The following TCERG1L variants were observed in gnomAD, a reference collection of about 807,000 sequenced individuals.
TCERG1L encodes the protein transcription elongation regulator 1 like, also known as transcription elongation regulator 1-like protein.
In TCERG1L, 37 loss-of-function variants were observed where a neutral mutation model predicts 56.3. The ratio of observed to expected loss-of-function variants is 0.66; its 90% confidence interval spans 0.51 to 0.87. The LOEUF is 0.87. Among genes scored for constraint, TCERG1L ranks in the 40% least tolerant of loss-of-function variants. The pLI is 0.00. For missense variants in TCERG1L, 799 were observed against 774.2 expected (o/e 1.03, Z -0.38); for synonymous variants, 324 against 326.3 (o/e 0.99, Z 0.08).
intron 7 of TCERG1L, among the ~76,000 whole-genome samples, chr10:131,142,681 C>G (rs970128012): frequency 6.6e-6 from 1 of 152,120 alleles, no homozygotes; most frequent in African/African-American, 2.4e-5. Flanking sequence ...TCAGACCCGC[C>G]GGGGTGCAAA....
At chr10:131,098,760 G>A (rs540685007) in intron 10 of TCERG1L, among the ~76,000 whole-genome samples, 7 of 152,184 alleles carry the variant, frequency 4.6e-5, no homozygotes, top group Non-Finnish European at 7.3e-5. Context: ...TTTGGAACCC[G>A]TGCTGTAGGC....
Position 131,256,032 on chromosome 10 carries a change from C to A in TCERG1L, c.856+4227G>T, listed in dbSNP as rs36071798. ...TCCATTAGAAATGAACACGTGTTTC[C>A]CGCACACGCCAGATGAGTTTCAGGA... On this transcript the variant is annotated intron_variant, in intron 4 of 11. Coordinates refer to ENST00000368642, the MANE Select transcript of TCERG1L (RefSeq NM_174937.4). Among the ~76,000 whole-genome samples the A allele has an allele frequency of 3.9e-3, 596 of 152,266 alleles. 2 individuals are homozygous for A. The highest frequency in any genetic ancestry group is 6.8e-3 in the Middle Eastern group (2 of 294).
chr10:131,308,142 A>T, intron 3 of TCERG1L, 69 bp downstream of exon 3: 1 of 1,376,064 alleles, frequency 7.3e-7, no homozygotes. Context: ...TATGGTTTTC[A>T]TATCTAAAAC....
At chr10:131,273,230 G>T in intron 3 of TCERG1L, among the ~76,000 whole-genome samples, 1 of 152,128 alleles carries the variant, frequency 6.6e-6, no homozygotes, top group East Asian at 1.9e-4. Flanking sequence ...GGACCCCCAT[G>T]GTTGTCAGGA....
intron 4 of TCERG1L, among the ~76,000 whole-genome samples, chr10:131,236,317 T>C (rs1013089048): frequency 1.3e-5 from 2 of 152,176 alleles, no homozygotes; most frequent in Admixed American, 6.5e-5. Flanking sequence ...TACCTTTTTT[T>C]CCCCCAAACA....
intron 4 of TCERG1L, among the ~76,000 whole-genome samples, chr10:131,183,421 A>C (rs189025142): frequency 7.9e-5 from 12 of 152,266 alleles, no homozygotes; most frequent in Non-Finnish European, 1.8e-4. Flanking sequence ...CTATTGAGCT[A>C]CCTATCAAAT....
chr10:131,268,525 C>T (rs1280246245), intron 3 of TCERG1L, among the ~76,000 whole-genome samples: 7 of 152,186 alleles, frequency 4.6e-5, no homozygotes, highest in Non-Finnish European at 8.8e-5. Context: ...TTTTGAAGCC[C>T]ATCACTGACT....
intron 4 of TCERG1L, among the ~76,000 whole-genome samples, chr10:131,218,775 C>T (rs940033469): frequency 2.6e-5 from 4 of 152,272 alleles, no homozygotes; most frequent in Middle Eastern, 3.4e-3. Flanking sequence ...GGGATGGAAC[C>T]ACGGTGCTGG....
chr10:131,267,115 A>G lies in TCERG1L; in HGVS notation c.671-6671T>C, dbSNP rs900934022. 2.0e-5 allele frequency among the ~76,000 whole-genome samples: 3 copies of G among 151,942 alleles called. No homozygotes were observed. The highest frequency in any genetic ancestry group is 6.6e-5 in the Admixed American group (1 of 15,260). On this transcript the variant is annotated intron_variant, in intron 3 of 11. Transcript: ENST00000368642. The surrounding 1 kb of genome is among the most constrained non-coding windows in gnomAD (Gnocchi z 4.9). ...CGTCTGCCTCCTGCCACCACTCATCATGCCCAGGCCGCTTGCACCCAGGGG... is the reference window on the plus strand; with the variant it reads ...CGTCTGCCTCCTGCCACCACTCATCGTGCCCAGGCCGCTTGCACCCAGGGG...
intron 4 of TCERG1L, among the ~76,000 whole-genome samples, chr10:131,182,172 G>T (rs11017804): frequency 0.087 from 13,220 of 152,284 alleles, 669 homozygotes; most frequent in Middle Eastern, 0.22. Flanking sequence ...TATCAAATAT[G>T]CAGGTCCCTT....
At chr10:131,153,509 C>T (rs1463065247) in intron 6 of TCERG1L, among the ~76,000 whole-genome samples, 5 of 152,184 alleles carry the variant, frequency 3.3e-5, no homozygotes, top group African/African-American at 1.2e-4. Context: ...ATCATTTTCT[C>T]ATTGACTTTC....
intron 3 of TCERG1L, among the ~76,000 whole-genome samples, chr10:131,276,685 CTCA>C (rs1336873550): frequency 2.0e-5 from 3 of 151,950 alleles, no homozygotes; most frequent in South Asian, 2.1e-4. Flanking sequence ...GATTAAATGC[CTCA>C]TCAAGATACC....
intron 11 of TCERG1L, among the ~76,000 whole-genome samples, chr10:131,096,076 C>T (rs536379824): frequency 3.3e-5 from 5 of 152,356 alleles, no homozygotes; most frequent in African/African-American, 1.2e-4. Flanking sequence ...CAGGCACCGT[C>T]GGGGTCCCTC....
intron 3 of TCERG1L, among the ~76,000 whole-genome samples, chr10:131,288,425 A>T (rs3937595): frequency 0.44 from 66,963 of 151,878 alleles, 15,360 homozygotes; most frequent in East Asian, 0.61. Flanking sequence ...GGTCACGTGG[A>T]TGCAGACCTT....
intron 8 of TCERG1L, among the ~76,000 whole-genome samples, chr10:131,129,831 C>G (rs1298535726): frequency 6.6e-6 from 1 of 152,114 alleles, no homozygotes; most frequent in South Asian, 2.1e-4. Context: ...GATCGGGAGG[C>G]CTCAGGAAAC....
intron 8 of TCERG1L, among the ~76,000 whole-genome samples, chr10:131,125,824 T>A (rs1220027645): frequency 6.6e-6 from 1 of 152,170 alleles, no homozygotes; most frequent in Non-Finnish European, 1.5e-5. Context: ...TGGCCCTGAG[T>A]AGGAACCCTG....
At chr10:131,275,595 G>A (rs1447991729) in intron 3 of TCERG1L, among the ~76,000 whole-genome samples, 1 of 152,118 alleles carries the variant, frequency 6.6e-6, no homozygotes, top group Non-Finnish European at 1.5e-5. Flanking sequence ...AGGGAGAGAG[G>A]GGGAAAAGGC....
intron 4 of TCERG1L, among the ~76,000 whole-genome samples, chr10:131,259,887 C>T (rs987568333): frequency 1.1e-4 from 17 of 152,256 alleles, no homozygotes; most frequent in African/African-American, 4.1e-4. Flanking sequence ...TCCACTCCAG[C>T]ACGCCAGCCT....
At chr10:131,269,572 TGGA>T (rs1564830155) in intron 3 of TCERG1L, among the ~76,000 whole-genome samples, 1 of 152,152 alleles carries the variant, frequency 6.6e-6, no homozygotes, top group Non-Finnish European at 1.5e-5. Context: ...GGCTGGTTGG[TGGA>T]GCAGTTAGAA....
Sources: allele counts gnomAD v4.1 joint callset (sites outside exome capture counted in the v4.1 genomes callset), GRCh38; gene constraint gnomAD v4.1.1; non-coding constraint Gnocchi (gnomAD v3.1); transcripts MANE v1.5; gene names NCBI Gene and HGNC (gene_info 2026-07-23, HGNC 2026-07-21).